Variants in STAG1 observed in about 807,000 individuals in gnomAD.
STAG1 encodes cohesin subunit SA-1.
Under a neutral mutation model 170.9 loss-of-function variants are expected in STAG1, and 26 were observed. That is an observed-to-expected ratio of 0.15 (90% CI 0.11 to 0.21). STAG1 has a LOEUF of 0.21. Ranked by LOEUF, STAG1 falls within the 10% of genes least tolerant of loss-of-function variation. The probability of loss-of-function intolerance (pLI) is 1.00; values close to 1 mark genes in which losing one functional copy is unlikely to be tolerated. For synonymous variants in STAG1, 514 were observed against 497.7 expected, an observed-to-expected ratio of 1.03 and a Z score of -0.44; for missense variants, 964 against 1,509.5, an observed-to-expected ratio of 0.64 and a Z score of 5.99.
chr3:136,722,682 C>A (rs1933360477), intron 1 of STAG1, among the ~76,000 whole-genome samples: 1 of 150,162 alleles, frequency 6.7e-6, no homozygotes, highest in Admixed American at 6.6e-5. Context: ...CCTCTCCCCC[C>A]TTTCCCTCTC....
chr3:136,421,124 A>G lies in STAG1; in HGVS notation c.2077T>C (p.Ser693Pro), dbSNP rs1296664528. 1 of 1,607,708 alleles carries G rather than the reference A, an allele frequency of 6.2e-7. No individual in the cohort carries two copies. Among genetic ancestry groups the G allele is most frequent in the Non-Finnish European group, 8.5e-7 (1 of 1,177,238 alleles). ...ADDDDIYNVL[S>P]TLKRLTSFHN... is the part of the protein sequence containing the mutation. ...AAAGAAGTTAACCGCTTTAATGTAG[A>G]AAGAACATTGTAAATGTCATCATCA... The change falls in exon 20 of 34, where the codon TCT (serine) becomes CCT (proline). Residue 693 changes from serine to proline, a missense_variant. Coordinates refer to ENST00000383202, the MANE Select transcript of STAG1 (RefSeq NM_005862.3).
Position 136,338,138 on chromosome 3 carries a change from G to T in STAG1, c.*116C>A. The T allele has an allele frequency of 1.4e-6, 1 of 708,318 alleles. No individual in the cohort carries two copies. Among genetic ancestry groups the T allele is most frequent in the Non-Finnish European group, 2.4e-6 (1 of 408,184 alleles). 43.9% of individuals were successfully genotyped at this position (708,318 alleles called of 1,614,324 possible). On this transcript the variant is annotated 3_prime_UTR_variant, in exon 34 of 34. Coordinates refer to ENST00000383202, the MANE Select transcript of STAG1 (RefSeq NM_005862.3). ...AAAAAGGGATTGACCTTAATCATTT[G>T]ATTAAAAAACAAATCAGATCACATC...
intron 6 of STAG1, among the ~76,000 whole-genome samples, chr3:136,522,174 T>C (rs1053863127): frequency 2.6e-5 from 4 of 152,218 alleles, no homozygotes; most frequent in Admixed American, 1.3e-4. Flanking sequence ...ATATTCTCAA[T>C]GTGTAGCTTT....
rs142307019 is a variant in STAG1 at position 136,476,889 on chromosome 3, ATC to A, written c.1026+398_1026+399del. Among the ~76,000 whole-genome samples the A allele has an allele frequency of 7.7e-3, 1,168 of 152,218 alleles. 19 individuals are homozygous for A. The highest frequency in any genetic ancestry group is 0.027 in the African/African-American group (1,136 of 41,544). ...GATCAAATATTCTAAAATCCAACAAATCTATTCAAGTCTGATAAAGCACTCTA... is the reference window on the plus strand; with the variant it reads ...GATCAAATATTCTAAAATCCAACAAATATTCAAGTCTGATAAAGCACTCTA... On this transcript the variant is annotated intron_variant, in intron 10 of 33. Transcript: ENST00000383202.
chr3:136,721,618 G>A (rs181431520), intron 1 of STAG1: 2 of 152,246 alleles, frequency 1.3e-5, no homozygotes, highest in Admixed American at 6.5e-5. Context: ...GGCCGGGCGC[G>A]GTGACTCTCG....
chr3:136,692,574 G>A (rs1034320361), intron 1 of STAG1, among the ~76,000 whole-genome samples: 3 of 151,998 alleles, frequency 2.0e-5, no homozygotes, highest in Admixed American at 2.0e-4. Context: ...GATGGTGGTT[G>A]CAGCAAGCCA....
chr3:136,614,409 T>A (rs188170228), intron 3 of STAG1, among the ~76,000 whole-genome samples: 1 of 152,146 alleles, frequency 6.6e-6, no homozygotes, highest in East Asian at 1.9e-4. Flanking sequence ...CTGCAGGTAA[T>A]TCAAGGGACA....
At chr3:136,396,620 C>T (rs368540390) in intron 22 of STAG1, among the ~76,000 whole-genome samples, 1 of 140,986 alleles carries the variant, frequency 7.1e-6, no homozygotes, top group East Asian at 2.3e-4. Flanking sequence ...CTCCGCCTCC[C>T]GAGTTCAAGC....
At chr3:136,442,111 T>G (rs2088651477) in intron 15 of STAG1, among the ~76,000 whole-genome samples, 1 of 152,098 alleles carries the variant, frequency 6.6e-6, no homozygotes, top group African/African-American at 2.4e-5. Context: ...GGCAGAAGGA[T>G]CACATGAATC....
At chr3:136,602,330 G>A (rs1345822684) in intron 4 of STAG1, among the ~76,000 whole-genome samples, 2 of 145,690 alleles carry the variant, frequency 1.4e-5, no homozygotes, top group Admixed American at 1.4e-4. Context: ...AGCGAGCCGG[G>A]ATCACGCCAC....
chr3:136,575,445 G>C (rs960407667), intron 4 of STAG1, among the ~76,000 whole-genome samples: 1 of 152,100 alleles, frequency 6.6e-6, no homozygotes, highest in Non-Finnish European at 1.5e-5. Flanking sequence ...GGCTGGTCTC[G>C]AACATCTGGG....
At chr3:136,548,662 T>C (rs1936260802) in intron 5 of STAG1, among the ~76,000 whole-genome samples, 1 of 152,230 alleles carries the variant, frequency 6.6e-6, no homozygotes, top group Non-Finnish European at 1.5e-5. Flanking sequence ...TTCATGGATG[T>C]CTTTCCATTT....
chr3:136,553,525 C>CA (rs1231812394), intron 5 of STAG1, among the ~76,000 whole-genome samples: 2 of 152,180 alleles, frequency 1.3e-5, no homozygotes, highest in East Asian at 3.9e-4. Context: ...CCTGTAATCC[C>CA]AGCACTTTGG....
chr3:136,465,332 G>T (rs1471733126), intron 12 of STAG1, among the ~76,000 whole-genome samples: 3 of 147,840 alleles, frequency 2.0e-5, no homozygotes, highest in African/African-American at 7.5e-5. Flanking sequence ...TGATTCTCCT[G>T]CCTCAGCCTC....
At chr3:136,498,784 G>A (rs1209715930) in intron 9 of STAG1, among the ~76,000 whole-genome samples, 1 of 151,432 alleles carries the variant, frequency 6.6e-6, no homozygotes, top group Non-Finnish European at 1.5e-5. Context: ...TATACATGCA[G>A]TATATGCAAG....
At position 136,435,934 on chromosome 3, in the gene STAG1, C is replaced by T. The variant is rs567325411; in HGVS notation, c.1547-2275G>A. The stretch of plus-strand genomic sequence containing the variant: ...CCACCCGTCTTGGCCTACCAAAGCA[C>T]GGGGATTACAGGTGTGAGCCACTGC... On this transcript the variant is annotated intron_variant, in intron 15 of 33. Coordinates refer to ENST00000383202, the MANE Select transcript of STAG1 (RefSeq NM_005862.3). Among the ~76,000 whole-genome samples the T allele has an allele frequency of 3.6e-3, 552 of 152,096 alleles. 7 individuals are homozygous for T. Among genetic ancestry groups the T allele is most frequent in the African/African-American group, 0.013 (526 of 41,504 alleles).
chr3:136,662,271 G>T (rs1029792076), intron 1 of STAG1, among the ~76,000 whole-genome samples: 1 of 151,314 alleles, frequency 6.6e-6, no homozygotes, highest in African/African-American at 2.4e-5. Flanking sequence ...CCTGCCTCAG[G>T]CTCCCAAGTA....
Position 136,739,353 on chromosome 3 carries a change from C to T in STAG1, c.-84+12842G>A, listed in dbSNP as rs979185216. Among the ~76,000 whole-genome samples, 46 of 151,498 alleles carry T rather than the reference C, an allele frequency of 3.0e-4. 1 individual carries two copies. Among genetic ancestry groups the T allele is most frequent in the African/African-American group, 1.1e-3 (44 of 41,326 alleles). ...GCAACATGGTGAGACCCTGTCTCTACGAAAAAACGTATTTTAATTAGCTGG... is the reference window on the plus strand; with the variant it reads ...GCAACATGGTGAGACCCTGTCTCTATGAAAAAACGTATTTTAATTAGCTGG... On this transcript the variant is annotated intron_variant, in intron 1 of 33. Coordinates refer to ENST00000383202, the MANE Select transcript of STAG1 (RefSeq NM_005862.3).
At chr3:136,743,504 T>A (rs1441700932) in intron 1 of STAG1, among the ~76,000 whole-genome samples, 2 of 151,952 alleles carry the variant, frequency 1.3e-5, no homozygotes, top group East Asian at 3.8e-4. Context: ...CCAATTTCCC[T>A]AAACTGATAC....
Sources: gnomAD v4.1 joint callset for allele counts (sites outside exome capture counted in the v4.1 genomes callset) on GRCh38, gnomAD v4.1.1 for gene constraint, MANE v1.5 for transcripts, NCBI Gene and HGNC (gene_info 2026-07-23, HGNC 2026-07-21) for gene names.